KALRN: variants seen among roughly 807,000 people sequenced by gnomAD.
KALRN encodes kalirin RhoGEF kinase.
KALRN carries 70 observed loss-of-function variants against 353.7 expected under a neutral mutation model. The ratio of observed to expected loss-of-function variants is 0.20; its 90% CI spans 0.16 to 0.24. The LOEUF (loss-of-function observed/expected upper bound fraction) is 0.24. Ranked by LOEUF, KALRN falls within the 10% of genes least tolerant of loss-of-function variation. KALRN has a pLI of 1.00. For synonymous variants in KALRN, 1,391 were observed against 1,434.8 expected (o/e 0.97, Z 0.69); for missense variants, 2,791 against 3,756.7 (o/e 0.74, Z 6.72).
intron 33 of KALRN, among the ~76,000 whole-genome samples, chr3:124,555,414 A>AAAATAAATAAAT (rs199686367): frequency 2.2e-5 from 3 of 137,116 alleles, no homozygotes; most frequent in Non-Finnish European, 3.1e-5. Context: ...ACTCTGTCCC[A>AAAATAAATAAAT]AAATAAATAA....
intron 5 of KALRN, among the ~76,000 whole-genome samples, chr3:124,297,302 T>C (rs1485224217): frequency 6.6e-6 from 1 of 152,256 alleles, no homozygotes; most frequent in African/African-American, 2.4e-5. Context: ...TGTTTCCTGC[T>C]TCACTCTGCA....
chr3:124,657,429 A>G lies in KALRN; in HGVS notation c.5863-19A>G. On this transcript the variant is annotated intron_variant, in intron 39 of 59. Transcript: ENST00000682506. ...TTCCTGTGAAAATATGCTACTAACCATTGCCTTTGCTGCTGCAGGGCTTCA... is the reference window on the plus strand; with the variant it reads ...TTCCTGTGAAAATATGCTACTAACCGTTGCCTTTGCTGCTGCAGGGCTTCA... 1 of 1,575,204 alleles carries G rather than the reference A, an allele frequency of 6.3e-7. No homozygotes were observed. Among genetic ancestry groups the G allele is most frequent in the Non-Finnish European group, 8.7e-7 (1 of 1,144,584 alleles).
intron 10 of KALRN, among the ~76,000 whole-genome samples, chr3:124,372,610 TA>T (rs1576388862): frequency 1.1e-5 from 1 of 95,000 alleles, no homozygotes; most frequent in South Asian, 3.5e-4. Context: ...ACTTTTTTAT[TA>T]TTTATTTTTT....
At chr3:124,278,511 A>C (rs2149015167) in intron 5 of KALRN, among the ~76,000 whole-genome samples, 1 of 148,816 alleles carries the variant, frequency 6.7e-6, no homozygotes, top group African/African-American at 2.5e-5. Context: ...TAACTGAGAA[A>C]AGTTCATTGA....
chr3:124,150,217 T>C (rs2067908437), intron 1 of KALRN, among the ~76,000 whole-genome samples: 1 of 152,160 alleles, frequency 6.6e-6, no homozygotes, highest in Non-Finnish European at 1.5e-5. Flanking sequence ...CCAAACAAAA[T>C]TGAACAACTT....
At chr3:124,364,483 C>T (rs2084414287) in intron 10 of KALRN, among the ~76,000 whole-genome samples, 1 of 152,298 alleles carries the variant, frequency 6.6e-6, no homozygotes, top group African/African-American at 2.4e-5. Context: ...ATGGCTATGT[C>T]TTTTCAGTTA....
At chr3:124,692,272 T>G (rs574836025) in intron 51 of KALRN, among the ~76,000 whole-genome samples, 2 of 152,238 alleles carry the variant, frequency 1.3e-5, no homozygotes, top group East Asian at 3.8e-4. Flanking sequence ...GGCATTGCAA[T>G]GGCCAGAGTT....
chr3:124,409,582 TGCTCTCA>T, intron 13 of KALRN, among the ~76,000 whole-genome samples: 1 of 152,296 alleles, frequency 6.6e-6, no homozygotes, highest in Non-Finnish European at 1.5e-5. Context: ...GGGCAGAACT[TGCTCTCA>T]GCATCAGCAA....
intron 2 of KALRN, among the ~76,000 whole-genome samples, chr3:124,232,810 T>A (rs2079318700): frequency 6.6e-6 from 1 of 152,102 alleles, no homozygotes; most frequent in Non-Finnish European, 1.5e-5. Context: ...TATTATATGA[T>A]TTGAAAGCTC....
At chr3:124,177,226 G>A (rs757455232) in intron 1 of KALRN, among the ~76,000 whole-genome samples, 7 of 152,188 alleles carry the variant, frequency 4.6e-5, no homozygotes, top group East Asian at 1.9e-4. Flanking sequence ...AGAACTCTGC[G>A]TGTGTTGTCT....
At chr3:124,398,939 CA>C in intron 13 of KALRN, 68 bp downstream of exon 13, 1 of 1,496,620 alleles carries the variant, frequency 6.7e-7, no homozygotes, top group Non-Finnish European at 9.0e-7. Flanking sequence ...GGCACTGCCC[CA>C]GGGGCAGGGC....
At chr3:124,561,338 C>T (rs1043249225) in intron 33 of KALRN, among the ~76,000 whole-genome samples, 1 of 152,208 alleles carries the variant, frequency 6.6e-6, no homozygotes, top group Non-Finnish European at 1.5e-5. Flanking sequence ...ATTTCCTGAT[C>T]TGATCCCAAT....
At chr3:124,501,125 C>T (rs1400499013) in intron 33 of KALRN, among the ~76,000 whole-genome samples, 2 of 152,196 alleles carry the variant, frequency 1.3e-5, no homozygotes, top group Admixed American at 1.3e-4. Flanking sequence ...TTGGGATACT[C>T]TCCATCTGAA....
rs536929127 is a variant in KALRN, at chr3:124,344,933, C to A, written c.1648-2210C>A. On this transcript the variant is annotated intron_variant, in intron 9 of 59. Transcript: ENST00000682506. ...AAAAAATATTTAGAAGTTGTGAAATCGTTTCTGGGGAGTGCAAACACTGTA... is the reference window on the plus strand; with the variant it reads ...AAAAAATATTTAGAAGTTGTGAAATAGTTTCTGGGGAGTGCAAACACTGTA... 2.6e-5 allele frequency among the ~76,000 whole-genome samples: 4 copies of A among 152,268 alleles called. No homozygotes were observed. In the East Asian group the frequency reaches 5.8e-4, roughly 22 times the overall value.
At chr3:124,149,386 G>T (rs2067788050) in intron 1 of KALRN, among the ~76,000 whole-genome samples, 1 of 152,152 alleles carries the variant, frequency 6.6e-6, no homozygotes, top group South Asian at 2.1e-4. Flanking sequence ...GTACCCCCCA[G>T]TGCCTCCACA....
At chr3:124,571,626 A>C (rs1250378174) in intron 34 of KALRN, among the ~76,000 whole-genome samples, 2 of 152,186 alleles carry the variant, frequency 1.3e-5, no homozygotes, top group Admixed American at 6.5e-5. Flanking sequence ...TTCTCTCTGC[A>C]TCAGGTAATT....
rs569572098 is a variant in KALRN, at chr3:124,451,924, C to A, written c.3553-3253C>A. Among the ~76,000 whole-genome samples, 13 of 152,332 alleles carry A rather than the reference C, an allele frequency of 8.5e-5. No individual in the cohort carries two copies. In the East Asian group the frequency reaches 2.3e-3, roughly 27 times the overall value. On this transcript the variant is annotated intron_variant, in intron 21 of 59. Coordinates refer to ENST00000682506, the MANE Select transcript of KALRN (RefSeq NM_001388419.1). ...TGTGATTTCACTTCTACTCTGCAAG[C>A]AATCACCCAGATCCCTGTCTGTACA...
At chr3:124,471,004 G>A (rs1338410976) in intron 25 of KALRN, among the ~76,000 whole-genome samples, 1 of 152,158 alleles carries the variant, frequency 6.6e-6, no homozygotes, top group Non-Finnish European at 1.5e-5. Flanking sequence ...CCAGGATATG[G>A]TTTAGGAGAA....
At chr3:124,473,177 T>C (rs541957631) in intron 25 of KALRN, among the ~76,000 whole-genome samples, 3 of 152,292 alleles carry the variant, frequency 2.0e-5, no homozygotes, top group East Asian at 3.9e-4. Context: ...ATACAACACA[T>C]ATGTGAAATC....
Sources: gnomAD v4.1 joint callset for allele counts (sites outside exome capture counted in the v4.1 genomes callset) on GRCh38, gnomAD v4.1.1 for gene constraint, MANE v1.5 for transcripts, NCBI Gene and HGNC (gene_info 2026-07-23, HGNC 2026-07-21) for gene names.